The following TRAPPC9 variants were observed in gnomAD, a reference collection of about 807,000 sequenced individuals.
TRAPPC9 encodes the protein IKK2 binding protein.
Under a neutral mutation model 124.0 loss-of-function variants are expected in TRAPPC9, and 83 were observed. The ratio of observed to expected loss-of-function variants is 0.67; its 90% CI spans 0.56 to 0.80. TRAPPC9 has a LOEUF of 0.80. TRAPPC9 is among the 30% of genes least tolerant of loss of function. The pLI is 0.00. For synonymous variants in TRAPPC9, 638 were observed against 617.5 expected, an observed-to-expected ratio of 1.03 and a Z score of -0.49; for missense variants, 1,302 against 1,508.3, an observed-to-expected ratio of 0.86 and a Z score of 2.27.
intron 9 of TRAPPC9, among the ~76,000 whole-genome samples, chr8:140,356,409 A>C (rs1203734751): frequency 6.6e-6 from 1 of 152,206 alleles, no homozygotes; most frequent in Admixed American, 6.5e-5. Flanking sequence ...AGCCTGACAC[A>C]GAAGAGTGGA....
intron 8 of TRAPPC9, among the ~76,000 whole-genome samples, chr8:140,362,964 T>C (rs896264023): frequency 6.6e-6 from 1 of 152,272 alleles, no homozygotes; most frequent in Non-Finnish European, 1.5e-5. Context: ...AATTTCTATG[T>C]GGCTCAAAGT....
At chr8:139,793,482 G>T (rs889989576) in intron 21 of TRAPPC9, among the ~76,000 whole-genome samples, 2 of 152,038 alleles carry the variant, frequency 1.3e-5, no homozygotes, top group Non-Finnish European at 1.5e-5. Flanking sequence ...GCCACCTGCC[G>T]CCTGGCCCCT....
At chr8:139,846,165 G>A (rs753343026) in intron 21 of TRAPPC9, among the ~76,000 whole-genome samples, 3 of 152,244 alleles carry the variant, frequency 2.0e-5, no homozygotes, top group African/African-American at 7.2e-5. Context: ...CAGACAGCTC[G>A]GCTTGGTGCC....
intron 17 of TRAPPC9, among the ~76,000 whole-genome samples, chr8:140,109,453 A>G (rs1242653085): frequency 3.9e-5 from 6 of 152,194 alleles, no homozygotes; most frequent in African/African-American, 1.4e-4. Context: ...ACTCAAAAAT[A>G]CGAAGAGAAA....
chr8:140,325,951 C>T (rs1375950791), intron 9 of TRAPPC9, among the ~76,000 whole-genome samples: 1 of 152,090 alleles, frequency 6.6e-6, no homozygotes, highest in Non-Finnish European at 1.5e-5. Flanking sequence ...AAGCACTATA[C>T]AATAAGAGTA....
chr8:140,108,446 A>G (rs2060706254), intron 17 of TRAPPC9, among the ~76,000 whole-genome samples: 1 of 152,240 alleles, frequency 6.6e-6, no homozygotes, highest in Non-Finnish European at 1.5e-5. Flanking sequence ...AGTCCCTGAC[A>G]CAGAGAAGGC....
At chr8:140,157,013 GAAGCCTCCCTTTTCCATTCAA>G (rs1563804219) in intron 17 of TRAPPC9, among the ~76,000 whole-genome samples, 437 of 22,022 alleles carry the variant, frequency 0.02, 10 homozygotes, top group Non-Finnish European at 0.027. Context: ...TTTCCATTCA[GAAGCCTCCCTTTTCCATTCAA>G]AAGCCTCCCT....
intron 17 of TRAPPC9, among the ~76,000 whole-genome samples, chr8:140,085,199 T>C (rs1844107001): frequency 6.6e-6 from 1 of 152,120 alleles, no homozygotes; most frequent in Non-Finnish European, 1.5e-5. Flanking sequence ...CCTGCTGTAG[T>C]TACAGGAGTG....
chr8:140,003,601 CAAAAAAAAA>C (rs58826807), intron 18 of TRAPPC9, among the ~76,000 whole-genome samples: 11 of 91,392 alleles, frequency 1.2e-4, no homozygotes, highest in Non-Finnish European at 1.5e-4. Flanking sequence ...GACCCTGTCA[CAAAAAAAAA>C]AAAAAAAAAA....
chr8:140,435,401 G>A (rs1222483975), intron 3 of TRAPPC9, among the ~76,000 whole-genome samples, 161 bp from the exon 4 acceptor site: 2 of 152,200 alleles, frequency 1.3e-5, no homozygotes, highest in African/African-American at 4.8e-5. Context: ...CCAAAACAAA[G>A]ATCAAACCTA....
chr8:139,801,025 C>G (rs1287578123), intron 21 of TRAPPC9, among the ~76,000 whole-genome samples: 2 of 145,026 alleles, frequency 1.4e-5, no homozygotes, highest in African/African-American at 5.1e-5. Flanking sequence ...ATCTTCCCTC[C>G]CTCCGGTACC....
At position 139,745,121 on chromosome 8, in the gene TRAPPC9, C is replaced by T. The variant is rs138658913; in HGVS notation, c.3056-12919G>A. On this transcript the variant is annotated intron_variant, in intron 21 of 22. Transcript: ENST00000438773. ...ATGGTGGCCGTGGCTGCCTTGAGGACGGGGTGAAACACCGTCACCAACACA... is the reference window on the plus strand; with the variant it reads ...ATGGTGGCCGTGGCTGCCTTGAGGATGGGGTGAAACACCGTCACCAACACA... Among the ~76,000 whole-genome samples the T allele has an allele frequency of 1.1e-3, 162 of 152,304 alleles. 1 individual carries two copies. The highest frequency in any genetic ancestry group is 3.5e-3 in the African/African-American group (147 of 41,568).
chr8:140,027,912 C>G lies in TRAPPC9; in HGVS notation c.2557-3833G>C, dbSNP rs151061278. Among the ~76,000 whole-genome samples, 730 of 152,118 alleles carry G rather than the reference C, an allele frequency of 4.8e-3. 6 individuals are homozygous for G. Among genetic ancestry groups the G allele is most frequent in the African/African-American group, 0.017 (687 of 41,480 alleles). On this transcript the variant is annotated intron_variant, in intron 17 of 22. Coordinates refer to ENST00000438773, the MANE Select transcript of TRAPPC9 (RefSeq NM_001160372.4). The stretch of plus-strand genomic sequence containing the variant: ...ATCATGAGAACAGCATGGGGGACAC[C>G]ACCCCCATGATCCAATCACCTCCCA...
chr8:139,994,667 T>G (rs1679407693), intron 18 of TRAPPC9, among the ~76,000 whole-genome samples: 1 of 152,206 alleles, frequency 6.6e-6, no homozygotes, highest in South Asian at 2.1e-4. Flanking sequence ...CTCTTGACAT[T>G]AACACGGATG....
chr8:140,048,948 G>A (rs1253797538), intron 17 of TRAPPC9, among the ~76,000 whole-genome samples: 2 of 152,144 alleles, frequency 1.3e-5, no homozygotes, highest in Non-Finnish European at 2.9e-5. Flanking sequence ...CCGGAACACA[G>A]CAGAAATTCC....
intron 19 of TRAPPC9, among the ~76,000 whole-genome samples, chr8:139,910,652 G>T (rs377454390): frequency 6.6e-6 from 1 of 152,322 alleles, no homozygotes; most frequent in South Asian, 2.1e-4. Flanking sequence ...TGCAGTCATG[G>T]AGAACGCTGA....
chr8:140,073,028 G>T (rs1017942658), intron 17 of TRAPPC9, among the ~76,000 whole-genome samples: 1 of 152,164 alleles, frequency 6.6e-6, no homozygotes, highest in African/African-American at 2.4e-5. Flanking sequence ...AATGACTACA[G>T]TTTTAGAATG....
chr8:139,844,726 G>A (rs1826960126), intron 21 of TRAPPC9, among the ~76,000 whole-genome samples: 1 of 152,226 alleles, frequency 6.6e-6, no homozygotes, highest in African/African-American at 2.4e-5. Context: ...GACAGTCTGG[G>A]GAAAATAGAA....
At chr8:140,282,779 C>G (rs1202039190) in intron 14 of TRAPPC9, among the ~76,000 whole-genome samples, 1 of 152,150 alleles carries the variant, frequency 6.6e-6, no homozygotes, top group Non-Finnish European at 1.5e-5. Context: ...CTCAACTATT[C>G]AAATACATAT....
Sources: gnomAD v4.1 joint callset for allele counts (sites outside exome capture counted in the v4.1 genomes callset) on GRCh38, gnomAD v4.1.1 for gene constraint, MANE v1.5 for transcripts, NCBI Gene and HGNC (gene_info 2026-07-23, HGNC 2026-07-21) for gene names.